PSMA8: variants seen among roughly 807,000 people sequenced by gnomAD.
PSMA8 encodes proteasome 20S subunit alpha 8.
PSMA8 carries 18 observed loss-of-function variants against 32.4 expected under a neutral mutation model. That is an observed-to-expected ratio of 0.56 (90% CI 0.38 to 0.82). The LOEUF is 0.82. Ranked by LOEUF, PSMA8 falls within the 40% of genes least tolerant of loss-of-function variation. The pLI, the probability that PSMA8 is intolerant of heterozygous loss-of-function variation, is 0.00. For synonymous variants in PSMA8, 104 were observed against 98.1 expected, an observed-to-expected ratio of 1.06 and a Z score of -0.36; for missense variants, 298 against 300.7, an observed-to-expected ratio of 0.99 and a Z score of 0.07.
At chr18:26,153,005 G>A (rs1300795178) in intron 3 of PSMA8, among the ~76,000 whole-genome samples, 3 of 152,124 alleles carry the variant, frequency 2.0e-5, no homozygotes, top group Non-Finnish European at 2.9e-5. Flanking sequence ...TTCTGGAATA[G>A]CAGCACAAAA....
chr18:26,154,763 C>T (rs1358674091), intron 3 of PSMA8, among the ~76,000 whole-genome samples: 4 of 152,044 alleles, frequency 2.6e-5, no homozygotes, highest in Non-Finnish European at 4.4e-5. Context: ...ATTACAGGCA[C>T]GTGCCACTAC....
At chr18:26,144,517 A>C (rs143244483) in intron 1 of PSMA8, 42 bp from the exon 2 acceptor site, 1 of 1,552,228 alleles carries the variant, frequency 6.4e-7, no homozygotes, top group Non-Finnish European at 8.9e-7. Flanking sequence ...TTTATATTTT[A>C]AACTGACATC....
intron 2 of PSMA8, among the ~76,000 whole-genome samples, chr18:26,148,622 A>T (rs1266148709): frequency 1.3e-5 from 2 of 152,116 alleles, no homozygotes; most frequent in African/African-American, 2.4e-5. Flanking sequence ...AAAGATGCCC[A>T]CTTTTGCCGC....
In PSMA8 at chr18:26,151,863, A is replaced by T. The variant is rs1217621677; in HGVS notation, c.235A>T (p.Thr79Ser). Residue 79 changes from threonine to serine, a missense_variant, in exon 3 of 7, where the codon ACT becomes TCT. Physicochemically the swap from Thr to Ser is moderately conservative, Grantham distance 58. Coordinates refer to ENST00000415576, the MANE Select transcript of PSMA8 (RefSeq NM_001025096.2). ...AGTTTTGACAATTTTTATAGGACTT[A>T]CTGCTGATGCTAGAGTAGTAATAAA... ...DHVCMAFAGL[T>S]ADARVVINRA... 1 of 1,597,772 alleles carries T rather than the reference A, an allele frequency of 6.3e-7. No individual in the cohort carries two copies. The highest frequency in any genetic ancestry group is 8.5e-7 in the Non-Finnish European group (1 of 1,174,510).
At chr18:26,143,057 A>G (rs1246220945) in intron 1 of PSMA8, among the ~76,000 whole-genome samples, 1 of 152,220 alleles carries the variant, frequency 6.6e-6, no homozygotes, top group East Asian at 1.9e-4. Flanking sequence ...GCCTTTATAA[A>G]GAATCCACAT....
intron 4 of PSMA8, among the ~76,000 whole-genome samples, chr18:26,165,566 A>T (rs2055171628): frequency 6.6e-6 from 1 of 151,242 alleles, no homozygotes; most frequent in Non-Finnish European, 1.5e-5. Flanking sequence ...GGTTCAAGGG[A>T]ATTTTCCCCC....
At chr18:26,146,611 A>G (rs1352551933) in intron 2 of PSMA8, among the ~76,000 whole-genome samples, 1 of 152,030 alleles carries the variant, frequency 6.6e-6, no homozygotes, top group Non-Finnish European at 1.5e-5. Flanking sequence ...AAAAATACAA[A>G]AATTAGCTGG....
chr18:26,177,863 A>G (rs918243782), intron 4 of PSMA8, among the ~76,000 whole-genome samples: 1 of 152,090 alleles, frequency 6.6e-6, no homozygotes, highest in African/African-American at 2.4e-5. Flanking sequence ...TTTTTGTGCC[A>G]TATTGTAAAG....
chr18:26,167,845 ATTTTTT>A (rs762830746), intron 4 of PSMA8, among the ~76,000 whole-genome samples: 1 of 117,550 alleles, frequency 8.5e-6, no homozygotes, highest in Non-Finnish European at 1.6e-5. Flanking sequence ...GGTCTGTGGT[ATTTTTT>A]TTTTTTTTTT....
chr18:26,180,225 A>C (rs1464098102), intron 6 of PSMA8, among the ~76,000 whole-genome samples: 2 of 152,214 alleles, frequency 1.3e-5, no homozygotes, highest in East Asian at 1.9e-4. Flanking sequence ...TGATCTGGGC[A>C]ACAGACCAAG....
At chr18:26,159,602 C>T (rs1598654262) in intron 4 of PSMA8, among the ~76,000 whole-genome samples, 1 of 152,048 alleles carries the variant, frequency 6.6e-6, no homozygotes, top group South Asian at 2.1e-4. Flanking sequence ...TATATCGTAA[C>T]ACAACATTTT....
chr18:26,137,562 C>T (rs1300532515), intron 1 of PSMA8, among the ~76,000 whole-genome samples: 1 of 152,150 alleles, frequency 6.6e-6, no homozygotes, highest in Admixed American at 6.5e-5. Flanking sequence ...AAGTACTTAA[C>T]AAATTGTAGT....
In PSMA8 at chr18:26,171,366, T is replaced by C. The variant is rs2055219555; in HGVS notation, c.478-7464T>C. The C allele has an allele frequency of 7.4e-6, 10 of 1,350,754 alleles. 1 individual carries two copies. The South Asian group carries it at 8.2e-5, about 11-fold the overall frequency. The allele number at this position is 1,350,754 out of a possible 1,614,324, so 83.7% of individuals were successfully genotyped here. A position where few individuals can be genotyped will look rare whatever the true frequency, so the allele number is the denominator to read the frequency against. ...GTTTGGCGCGAAATTGTCGGTATTT[T>C]GTTATGACATACCAAGCAGACTAAT... On this transcript the variant is annotated intron_variant, in intron 4 of 6. Transcript: ENST00000415576.
At chr18:26,141,702 C>CTTTCTTT in intron 1 of PSMA8, among the ~76,000 whole-genome samples, 1 of 127,798 alleles carries the variant, frequency 7.8e-6, no homozygotes, top group Non-Finnish European at 1.6e-5. Flanking sequence ...TTTTCTGTTT[C>CTTTCTTT]TTTCTTTTTT....
intron 4 of PSMA8, among the ~76,000 whole-genome samples, chr18:26,178,043 A>C (rs1278328376): frequency 1.3e-5 from 2 of 151,560 alleles, no homozygotes; most frequent in Non-Finnish European, 2.9e-5. Flanking sequence ...GCAAGACCCT[A>C]TCTCTAAAAA....
intron 4 of PSMA8, among the ~76,000 whole-genome samples, chr18:26,159,304 G>A (rs1461909832): frequency 6.6e-6 from 1 of 152,190 alleles, no homozygotes; most frequent in East Asian, 1.9e-4. Context: ...TAACCAGGCA[G>A]TAAAGCAGTG....
At chr18:26,166,504 A>G (rs2055181151) in intron 4 of PSMA8, among the ~76,000 whole-genome samples, 1 of 152,198 alleles carries the variant, frequency 6.6e-6, no homozygotes, top group Admixed American at 6.5e-5. Context: ...TGAAACCATA[A>G]AGATTGTTAG....
At chr18:26,142,126 T>G (rs2054963351) in intron 1 of PSMA8, among the ~76,000 whole-genome samples, 2 of 145,094 alleles carry the variant, frequency 1.4e-5, no homozygotes, top group South Asian at 2.2e-4. Context: ...TGCAAACTCC[T>G]CCTCCCAGGT....
intron 4 of PSMA8, among the ~76,000 whole-genome samples, chr18:26,163,257 A>G (rs1258136009): frequency 9.0e-6 from 1 of 111,540 alleles, no homozygotes; most frequent in African/African-American, 3.2e-5. Flanking sequence ...ATATATATAT[A>G]TATATGCTGT....
Sources: gnomAD v4.1 joint callset for allele counts (sites outside exome capture counted in the v4.1 genomes callset) on GRCh38, gnomAD v4.1.1 for gene constraint, MANE v1.5 for transcripts, NCBI Gene and HGNC (gene_info 2026-07-23, HGNC 2026-07-21) for gene names.